The following TMEM178A variants were observed in gnomAD, a reference collection of about 807,000 sequenced individuals.
TMEM178A encodes the protein transmembrane protein 178.
A neutral mutation model predicts 29.1 loss-of-function variants in TMEM178A; 12 were observed. The observed-to-expected ratio is 0.41, with a 90% confidence interval of 0.26 to 0.67. The LOEUF is 0.67. Among genes scored for constraint, TMEM178A ranks in the 30% least tolerant of loss-of-function variants. The probability of loss-of-function intolerance (pLI) is 0.29; values close to 1 mark genes in which losing one functional copy is unlikely to be tolerated. For missense variants in TMEM178A, 366 were observed against 419.1 expected, an observed-to-expected ratio of 0.87 and a Z score of 1.11; for synonymous variants, 210 against 187.2, an observed-to-expected ratio of 1.12 and a Z score of -0.99.
chr2:39,696,451 C>T (rs746819245), intron 1 of TMEM178A, among the ~76,000 whole-genome samples: 1 of 152,190 alleles, frequency 6.6e-6, no homozygotes, highest in African/African-American at 2.4e-5. Flanking sequence ...GTGGGCCACA[C>T]ATCCTATGCT....
At chr2:39,666,508 G>C (rs948125005) in intron 1 of TMEM178A, 134 bp downstream of exon 1, 1 of 554,710 alleles carries the variant, frequency 1.8e-6, no homozygotes, top group South Asian at 8.5e-5. Flanking sequence ...CATCCTTCCC[G>C]CCGCCTCCAG....
At position 39,717,333 on chromosome 2, in the gene TMEM178A, T is replaced by G; in HGVS notation, c.*82T>G. The stretch of plus-strand genomic sequence containing the variant: ...GTTCAGGAGTCCAAGCACAAAGCGG[T>G]CTTTTACATTCCAACCTGTTGCCTG... On this transcript the variant is annotated 3_prime_UTR_variant, in exon 4 of 4. Coordinates refer to ENST00000281961, the MANE Select transcript of TMEM178A (RefSeq NM_152390.3). The G allele has an allele frequency of 1.3e-6, 2 of 1,514,706 alleles. No homozygotes were observed. Among genetic ancestry groups the G allele is most frequent in the Non-Finnish European group, 1.8e-6 (2 of 1,131,048 alleles). 93.8% of individuals were successfully genotyped at this position (1,514,706 alleles called of 1,614,324 possible).
chr2:39,692,762 C>A (rs575815479), intron 1 of TMEM178A, among the ~76,000 whole-genome samples: 16 of 152,238 alleles, frequency 1.1e-4, no homozygotes, highest in Non-Finnish European at 2.1e-4. Context: ...GATTGTGTGA[C>A]CGCCTATTTC....
intron 3 of TMEM178A, 128 bp from the exon 4 acceptor site, chr2:39,716,882 T>C (rs946312039): frequency 3.4e-6 from 4 of 1,168,470 alleles, no homozygotes; most frequent in African/African-American, 3.1e-5. Flanking sequence ...AAAATAATTA[T>C]GGATCATTTG....
the TMEM178A span, among the ~76,000 whole-genome samples, chr2:39,723,266 T>C: frequency 6.6e-6 from 1 of 152,222 alleles, no homozygotes; most frequent in Non-Finnish European, 1.5e-5. Flanking sequence ...GTAAAACACA[T>C]TGCACTTATC....
chr2:39,719,884 A>G (rs909163473), downstream of TMEM178A, among the ~76,000 whole-genome samples: 5 of 152,282 alleles, frequency 3.3e-5, no homozygotes, highest in Middle Eastern at 6.8e-3. Context: ...AATAGCCCCC[A>G]TAACATTTCT....
At chr2:39,683,587 T>C (rs1572659704) in intron 1 of TMEM178A, among the ~76,000 whole-genome samples, 2 of 152,204 alleles carry the variant, frequency 1.3e-5, no homozygotes, top group African/African-American at 4.8e-5. Context: ...TCACCTAAGA[T>C]TGGGTATTTG....
the TMEM178A span, among the ~76,000 whole-genome samples, chr2:39,725,595 C>A: frequency 6.6e-6 from 1 of 152,094 alleles, no homozygotes; most frequent in African/African-American, 2.4e-5. Flanking sequence ...GGCAGATGAC[C>A]ATGAAAAGTA....
intron 1 of TMEM178A, among the ~76,000 whole-genome samples, chr2:39,673,073 A>G (rs1670470784): frequency 6.6e-6 from 1 of 152,228 alleles, no homozygotes; most frequent in African/African-American, 2.4e-5. Flanking sequence ...TTATAATTAC[A>G]GATTATATAA....
At chr2:39,710,215 A>T (rs1321655840) in intron 3 of TMEM178A, among the ~76,000 whole-genome samples, 1 of 152,174 alleles carries the variant, frequency 6.6e-6, no homozygotes, top group Non-Finnish European at 1.5e-5. Flanking sequence ...ACCACCACCA[A>T]CAAAAACCCA....
intron 1 of TMEM178A, among the ~76,000 whole-genome samples, chr2:39,693,233 G>A (rs1371831877): frequency 6.6e-6 from 1 of 152,240 alleles, no homozygotes; most frequent in East Asian, 1.9e-4. Context: ...CTGAATCCAA[G>A]AGATTTTAAG....
At chr2:39,667,559 G>A (rs986910874) in intron 1 of TMEM178A, among the ~76,000 whole-genome samples, 2 of 152,150 alleles carry the variant, frequency 1.3e-5, no homozygotes, top group African/African-American at 2.4e-5. Flanking sequence ...ACAAACAGAC[G>A]GATTTGTGTT....
At chr2:39,729,033 G>A in the TMEM178A span, among the ~76,000 whole-genome samples, 1 of 152,010 alleles carries the variant, frequency 6.6e-6, no homozygotes, top group Non-Finnish European at 1.5e-5. Flanking sequence ...GTGGCACAGC[G>A]CCCCCAGCTG....
intron 1 of TMEM178A, among the ~76,000 whole-genome samples, chr2:39,678,776 T>A (rs981085183): frequency 6.6e-6 from 1 of 152,212 alleles, no homozygotes; most frequent in East Asian, 1.9e-4. Flanking sequence ...AGCTTTTACC[T>A]TGTGGCTCCA....
chr2:39,719,837 G>C (rs574544538), downstream of TMEM178A, among the ~76,000 whole-genome samples: 2 of 151,846 alleles, frequency 1.3e-5, no homozygotes, highest in African/African-American at 4.8e-5. Flanking sequence ...CTCGATAATC[G>C]AGATTTCCCA....
chr2:39,686,107 C>T (rs1254660559), intron 1 of TMEM178A, among the ~76,000 whole-genome samples: 1 of 152,192 alleles, frequency 6.6e-6, no homozygotes, highest in African/African-American at 2.4e-5. Flanking sequence ...GGCCAGGGTG[C>T]CAGTCCTCAG....
rs553964833 is a variant in TMEM178A, at chr2:39,693,878, T to C, written c.401-10203T>C. 6.7e-4 allele frequency among the ~76,000 whole-genome samples: 101 copies of C among 151,850 alleles called. 1 individual carries two copies. Among genetic ancestry groups the C allele is most frequent in the Admixed American group, 6.4e-3 (98 of 15,274 alleles). The stretch of plus-strand genomic sequence containing the variant: ...TTTAAAAATCAATTCAGCAAGCCAG[T>C]GGTCAGCCTAACCCAATGACAGATT... On this transcript the variant is annotated intron_variant, in intron 1 of 3. Coordinates refer to ENST00000281961, the MANE Select transcript of TMEM178A (RefSeq NM_152390.3).
At chr2:39,730,081 C>T in the TMEM178A span, among the ~76,000 whole-genome samples, 2 of 152,298 alleles carry the variant, frequency 1.3e-5, no homozygotes, top group African/African-American at 4.8e-5. Flanking sequence ...GGAACAAACA[C>T]TCCAGCCCAC....
intron 1 of TMEM178A, among the ~76,000 whole-genome samples, chr2:39,681,501 T>C (rs932876193): frequency 1.3e-5 from 2 of 152,198 alleles, no homozygotes; most frequent in Non-Finnish European, 2.9e-5. Flanking sequence ...TGGACAGTGA[T>C]GGGAAAGAGG....
Sources: allele counts gnomAD v4.1 joint callset (sites outside exome capture counted in the v4.1 genomes callset), GRCh38; gene constraint gnomAD v4.1.1; transcripts MANE v1.5; gene names NCBI Gene and HGNC (gene_info 2026-07-23, HGNC 2026-07-21).